The following NTAN1 variants were observed in gnomAD, a reference collection of about 807,000 sequenced individuals.
NTAN1 encodes the protein N-terminal asparagine amidase, also known as protein N-terminal asparagine amidohydrolase.
In NTAN1, 32 loss-of-function variants were observed where a neutral mutation model predicts 41.9. The ratio of observed to expected loss-of-function variants is 0.76; its 90% CI spans 0.58 to 1.03. The LOEUF (loss-of-function observed/expected upper bound fraction) is 1.03, where lower values mean the gene tolerates loss of function less well. NTAN1 is among the 50% of genes least tolerant of loss of function. The pLI is 0.00. For synonymous variants in NTAN1, 140 were observed against 139.5 expected (o/e 1.00, Z -0.03); for missense variants, 377 against 377.5 (o/e 1.00, Z 0.01).
In NTAN1 at chr16:15,037,950, A is replaced by G; in HGVS notation, c.*81T>C. The stretch of plus-strand genomic sequence containing the variant: ...AGGAGGCCTAAGACCCAACAGATGT[A>G]GGATCCAGATCTGGATTCGTGCCAG... On this transcript the variant is annotated 3_prime_UTR_variant, in exon 10 of 10. Coordinates refer to ENST00000287706, the MANE Select transcript of NTAN1 (RefSeq NM_173474.4). 1.0e-6 allele frequency: 1 copy of G among 974,604 alleles called. No individual in the cohort carries two copies. Among genetic ancestry groups the G allele is most frequent in the Non-Finnish European group, 1.6e-6 (1 of 632,806 alleles). 60.4% of individuals were successfully genotyped at this position (974,604 alleles called of 1,614,324 possible).
At chr16:15,039,560 T>C (rs1015570904) in intron 8 of NTAN1, among the ~76,000 whole-genome samples, 2 of 152,230 alleles carry the variant, frequency 1.3e-5, no homozygotes, top group Non-Finnish European at 2.9e-5. Context: ...GTTAATTAAA[T>C]TGTTCCAGCA....
At chr16:15,047,643 C>A in intron 3 of NTAN1, 93 bp from the exon 4 acceptor site, 1 of 1,015,844 alleles carries the variant, frequency 9.8e-7, no homozygotes, top group Non-Finnish European at 1.6e-6. Context: ...ACCGCCTCAT[C>A]TTTGAATATC....
intron 1 of NTAN1, among the ~76,000 whole-genome samples, chr16:15,049,437 T>A (rs1481326893): frequency 2.0e-5 from 3 of 151,868 alleles, no homozygotes; most frequent in Non-Finnish European, 1.5e-5. Context: ...TTATCTTATT[T>A]TTTTTTTTTG....
At chr16:15,044,620 G>A (rs2043970831) in intron 4 of NTAN1, 2 of 588,580 alleles carry the variant, frequency 3.4e-6, no homozygotes, top group Non-Finnish European at 6.0e-6. Context: ...CCTGATGACT[G>A]AGGGGATCCG....
chr16:15,041,581 T>G, intron 6 of NTAN1, 42 bp downstream of exon 6: 16 of 1,451,988 alleles, frequency 1.1e-5, no homozygotes, highest in Non-Finnish European at 1.4e-5. Context: ...AAAACGGTCC[T>G]GAGACCCACA....
intron 4 of NTAN1, chr16:15,047,115 G>C (rs2044104071): frequency 2.9e-6 from 1 of 341,874 alleles, no homozygotes; most frequent in Non-Finnish European, 5.4e-6. Flanking sequence ...AACTGCGGGA[G>C]GAATGACTGC....
intron 4 of NTAN1, 112 bp from the exon 5 acceptor site, chr16:15,044,519 C>G (rs1389483727): frequency 2.4e-5 from 18 of 747,072 alleles, no homozygotes; most frequent in Non-Finnish European, 4.2e-5. Flanking sequence ...TACAGCAGAG[C>G]TGCAGGTCAT....
rs1555577351 is a variant in NTAN1, at chr16:15,037,933, T to TAAGACCCAACAGATGTAGGATCCAG, written c.*73_*97dup. ...AAGACACTGAGGAGGGAAGGAGGCCTAAGACCCAACAGATGTAGGATCCAG... is the reference window on the plus strand; with the variant it reads ...AAGACACTGAGGAGGGAAGGAGGCCTAAGACCCAACAGATGTAGGATCCAGAAGACCCAACAGATGTAGGATCCAG... On this transcript the variant is annotated 3_prime_UTR_variant, in exon 10 of 10. Transcript: ENST00000287706. The TAAGACCCAACAGATGTAGGATCCAG allele has an allele frequency of 1.2e-6, 1 of 814,460 alleles. No homozygotes were observed. Among genetic ancestry groups the TAAGACCCAACAGATGTAGGATCCAG allele is most frequent in the African/African-American group, 1.7e-5 (1 of 58,496 alleles). The allele number at this position is 814,460 out of a possible 1,614,324, so 50.5% of individuals were successfully genotyped here. A position where few individuals can be genotyped will look rare whatever the true frequency, so the allele number is the denominator to read the frequency against.
At chr16:15,055,311 C>T (rs962190304) in intron 1 of NTAN1, among the ~76,000 whole-genome samples, 5 of 152,184 alleles carry the variant, frequency 3.3e-5, no homozygotes, top group Admixed American at 1.3e-4. Flanking sequence ...AGGGCGTGGT[C>T]CTATGGCCCA....
At position 15,047,855 on chromosome 16, in the gene NTAN1, C is replaced by T. The variant is rs1486109324; in HGVS notation, c.250G>A (p.Gly84Ser). ...GTTTCCTTCACCTCTCTCATCATAC[C>T]TGTGTGCCTCAGGACCACAATGTGA... is the stretch of plus-strand genomic sequence containing the variant. ...TCHIVVLRHT[G>S]NGATCLTHCD... is the part of the protein sequence containing the mutation. The change falls in exon 3 of 10, where the codon GGT (glycine) becomes AGT (serine). Residue 84 changes from glycine to serine, a missense_variant and splice_region_variant. By Grantham distance (56) the Gly-to-Ser change is moderately conservative. Coordinates refer to ENST00000287706, the MANE Select transcript of NTAN1 (RefSeq NM_173474.4). The T allele has an allele frequency of 3.7e-6, 6 of 1,609,972 alleles. No individual in the cohort carries two copies. Among genetic ancestry groups the T allele is most frequent in the Non-Finnish European group, 5.1e-6 (6 of 1,176,182 alleles).
chr16:15,051,893 A>G (rs2044307383), intron 1 of NTAN1, among the ~76,000 whole-genome samples: 2 of 152,104 alleles, frequency 1.3e-5, no homozygotes, highest in South Asian at 4.1e-4. Flanking sequence ...TAAGTAGTAA[A>G]AAGAGTTTAG....
chr16:15,053,473 A>AT (rs1491049151), intron 1 of NTAN1, among the ~76,000 whole-genome samples: 2 of 75,198 alleles, frequency 2.7e-5, no homozygotes, highest in African/African-American at 7.7e-5. Context: ...GTAAGCTATC[A>AT]TTTTTTTAAA....
intron 1 of NTAN1, among the ~76,000 whole-genome samples, chr16:15,051,601 C>G (rs1378254168): frequency 6.6e-6 from 1 of 152,156 alleles, no homozygotes; most frequent in Non-Finnish European, 1.5e-5. Flanking sequence ...CCTGCTTCAG[C>G]CTCCTTTGCA....
chr16:15,043,887 G>A (rs969784706), intron 5 of NTAN1, among the ~76,000 whole-genome samples: 2 of 152,110 alleles, frequency 1.3e-5, no homozygotes, highest in African/African-American at 4.8e-5. Flanking sequence ...GGCAGAGCTT[G>A]CAGTGAGCCG....
chr16:15,041,958 G>GA (rs2043835777), intron 5 of NTAN1, among the ~76,000 whole-genome samples: 1 of 152,254 alleles, frequency 6.6e-6, no homozygotes, highest in African/African-American at 2.4e-5. Context: ...GTTTTGCGGG[G>GA]ACCCATGGAT....
intron 2 of NTAN1, 30 bp from the exon 3 acceptor site, chr16:15,047,950 C>A: frequency 8.1e-6 from 13 of 1,605,946 alleles, no homozygotes; most frequent in Non-Finnish European, 1.1e-5. Context: ...AATAAAATAT[C>A]CAATAGCCTT....
chr16:15,040,200 T>TC (rs548576269), intron 7 of NTAN1, 134 bp from the exon 8 acceptor site: 1 of 466,800 alleles, frequency 2.1e-6, no homozygotes, highest in Non-Finnish European at 3.8e-6. Flanking sequence ...TATCTGGACT[T>TC]CCCCCTCCCT....
At chr16:15,038,790 G>T in intron 8 of NTAN1, 103 bp from the exon 9 acceptor site, 1 of 642,388 alleles carries the variant, frequency 1.6e-6, no homozygotes, top group Non-Finnish European at 2.7e-6. Context: ...GCATTTATCT[G>T]CCTAAGCTTC....
At chr16:15,039,937 T>TC (rs2043733853) in intron 8 of NTAN1, 32 bp downstream of exon 8, 1 of 1,267,696 alleles carries the variant, frequency 7.9e-7, no homozygotes, top group East Asian at 2.3e-5. Context: ...TTTTTTTTTT[T>TC]AACCCCTTAA....
Sources: allele counts gnomAD v4.1 joint callset (sites outside exome capture counted in the v4.1 genomes callset), GRCh38; gene constraint gnomAD v4.1.1; transcripts MANE v1.5; gene names NCBI Gene and HGNC (gene_info 2026-07-23, HGNC 2026-07-21).